BMAL1: variants seen among roughly 807,000 people sequenced by gnomAD.
The protein encoded by BMAL1 is basic helix-loop-helix ARNT-like protein 1.
the BMAL1 span, chr11:13,380,949 G>GT: frequency 8.1e-5 from 43 of 532,766 alleles, no homozygotes; most frequent in Non-Finnish European, 1.2e-4. Flanking sequence ...ACACCGATTC[G>GT]TATCTGTGGC....
chr11:13,303,334 A>G, the BMAL1 span, among the ~76,000 whole-genome samples: 2 of 152,226 alleles, frequency 1.3e-5, no homozygotes, highest in Non-Finnish European at 2.9e-5. Flanking sequence ...TCCCACCTTC[A>G]GCTTATATTC....
At chr11:13,372,122 C>T in the BMAL1 span, 1 of 1,609,508 alleles carries the variant, frequency 6.2e-7, no homozygotes, top group East Asian at 2.2e-5. Flanking sequence ...CTCCATGGCC[C>T]AAACCTAGTG....
the BMAL1 span, among the ~76,000 whole-genome samples, chr11:13,284,008 G>T: frequency 8.0e-5 from 12 of 150,502 alleles, no homozygotes; most frequent in Admixed American, 7.9e-4. Flanking sequence ...CCTTTTCAAA[G>T]GTCCCTCACC....
At chr11:13,284,325 T>C in the BMAL1 span, among the ~76,000 whole-genome samples, 2 of 148,744 alleles carry the variant, frequency 1.3e-5, no homozygotes, top group African/African-American at 5.0e-5. Context: ...GGACACATTG[T>C]TTTATGTCAA....
At chr11:13,372,753 G>C in the BMAL1 span, among the ~76,000 whole-genome samples, 1 of 152,176 alleles carries the variant, frequency 6.6e-6, no homozygotes, top group African/African-American at 2.4e-5. Flanking sequence ...CAAGGCTGCA[G>C]TGAGCTGTGA....
At chr11:13,364,124 C>A in the BMAL1 span, among the ~76,000 whole-genome samples, 1 of 152,224 alleles carries the variant, frequency 6.6e-6, no homozygotes, top group African/African-American at 2.4e-5. Context: ...CCATGAGATA[C>A]AAGATTATCT....
At chr11:13,374,446 C>T in the BMAL1 span, among the ~76,000 whole-genome samples, 1 of 152,164 alleles carries the variant, frequency 6.6e-6, no homozygotes, top group African/African-American at 2.4e-5. Context: ...AGAGGGTTTT[C>T]CCAGACCCTG....
the BMAL1 span, among the ~76,000 whole-genome samples, chr11:13,287,417 T>G: frequency 6.6e-6 from 1 of 152,198 alleles, no homozygotes; most frequent in Non-Finnish European, 1.5e-5. Flanking sequence ...AGGGTGGCAT[T>G]AGACCTAGCC....
At chr11:13,369,560 C>G in the BMAL1 span, 1 of 1,598,352 alleles carries the variant, frequency 6.3e-7, no homozygotes, top group Non-Finnish European at 8.5e-7. Flanking sequence ...GGTCACACTC[C>G]CCCTCCTGAC....
the BMAL1 span, chr11:13,354,617 T>C: frequency 3.5e-6 from 3 of 865,194 alleles, no homozygotes; most frequent in Admixed American, 8.9e-5. Flanking sequence ...CCCTAGTTTG[T>C]AAGCAAGAAG....
chr11:13,368,046 CTAAAAG>C, the BMAL1 span, among the ~76,000 whole-genome samples: 1 of 152,204 alleles, frequency 6.6e-6, no homozygotes, highest in Non-Finnish European at 1.5e-5. Context: ...CCGCTTGTTC[CTAAAAG>C]TAAAATGCAG....
chr11:13,316,250 A>G, the BMAL1 span, among the ~76,000 whole-genome samples: 3 of 152,218 alleles, frequency 2.0e-5, no homozygotes, highest in East Asian at 5.8e-4. Flanking sequence ...CCATGGCCCT[A>G]CGGAAGGCTG....
chr11:13,343,942 C>A, the BMAL1 span, among the ~76,000 whole-genome samples: 1 of 152,150 alleles, frequency 6.6e-6, no homozygotes, highest in Non-Finnish European at 1.5e-5. Flanking sequence ...ATGCCGTCTC[C>A]TTGATTGATG....
the BMAL1 span, among the ~76,000 whole-genome samples, chr11:13,308,481 G>T: frequency 6.6e-6 from 1 of 152,140 alleles, no homozygotes; most frequent in Non-Finnish European, 1.5e-5. Context: ...TGAAAACAAG[G>T]ACTGAACACG....
At chr11:13,276,874 C>T in the BMAL1 span, 1 of 152,258 alleles carries the variant, frequency 6.6e-6, no homozygotes, top group African/African-American at 2.4e-5. Flanking sequence ...TAACTGTTTC[C>T]TTCCGTCTTG....
At chr11:13,282,115 A>T in the BMAL1 span, among the ~76,000 whole-genome samples, 1 of 152,088 alleles carries the variant, frequency 6.6e-6, no homozygotes, top group Non-Finnish European at 1.5e-5. Flanking sequence ...CTCATGACAC[A>T]CTGGAGCCTA....
the BMAL1 span, among the ~76,000 whole-genome samples, chr11:13,342,981 CACTT>C: frequency 2.0e-5 from 3 of 152,188 alleles, no homozygotes; most frequent in Non-Finnish European, 2.9e-5. Flanking sequence ...ATAATAATGA[CACTT>C]ACAGAGGGCT....
At chr11:13,345,398 G>A in the BMAL1 span, among the ~76,000 whole-genome samples, 2 of 152,220 alleles carry the variant, frequency 1.3e-5, no homozygotes, top group Admixed American at 6.5e-5. Context: ...AAGAGTGAGA[G>A]CTGAGCATTT....
the BMAL1 span, chr11:13,381,328 G>A: frequency 2.1e-6 from 3 of 1,448,852 alleles, no homozygotes; most frequent in East Asian, 2.3e-5. Flanking sequence ...GTGGGAGTAT[G>A]GAATTGCAAC....
Sources: allele counts gnomAD v4.1 joint callset (sites outside exome capture counted in the v4.1 genomes callset), GRCh38; gene constraint gnomAD v4.1.1; transcripts MANE v1.5; gene names NCBI Gene and HGNC (gene_info 2026-07-23, HGNC 2026-07-21).